Variants in LRRC38 observed in about 807,000 individuals in gnomAD.
LRRC38 encodes the protein leucine rich repeat containing 38.
LRRC38 carries 5 observed loss-of-function variants against 16.4 expected under a neutral mutation model. That is an observed-to-expected ratio of 0.31 (90% CI 0.16 to 0.64). LRRC38 has a LOEUF of 0.64. Ranked by LOEUF, LRRC38 falls within the 30% of genes least tolerant of loss-of-function variation. The probability of loss-of-function intolerance (pLI) is 0.80; values close to 1 mark genes in which losing one functional copy is unlikely to be tolerated. For synonymous variants in LRRC38, 191 were observed against 190.2 expected (o/e 1.00, Z -0.04); for missense variants, 341 against 401.8 (o/e 0.85, Z 1.29).
At chr1:13,486,089 C>A (rs1638930197) in intron 1 of LRRC38, among the ~76,000 whole-genome samples, 1 of 152,142 alleles carries the variant, frequency 6.6e-6, no homozygotes, top group Non-Finnish European at 1.5e-5. Flanking sequence ...CAGGCGCCCA[C>A]CACCACGCCC....
intron 1 of LRRC38, among the ~76,000 whole-genome samples, chr1:13,483,542 T>C (rs1638894031): frequency 6.6e-6 from 1 of 152,160 alleles, no homozygotes; most frequent in South Asian, 2.1e-4. Flanking sequence ...ATGAAGCCAC[T>C]GGGCATCCAG....
rs1157638016 is a variant in LRRC38 at position 13,480,102 on chromosome 1, T to C, written c.632-4003A>G. 2.6e-5 allele frequency among the ~76,000 whole-genome samples: 4 copies of C among 152,324 alleles called. No individual in the cohort carries two copies. In the East Asian group the frequency reaches 7.7e-4, roughly 29 times the overall value. On this transcript the variant is annotated intron_variant, in intron 1 of 1. Coordinates refer to ENST00000376085, the MANE Select transcript of LRRC38 (RefSeq NM_001010847.2). The stretch of plus-strand genomic sequence containing the variant: ...GCTCATGCCTGTAATCCCAGCACTT[T>C]GGGAGGCCGAGGCGGGTGGATTACC...
intron 1 of LRRC38, among the ~76,000 whole-genome samples, chr1:13,489,890 G>A (rs1282077815): frequency 6.6e-6 from 1 of 152,134 alleles, no homozygotes; most frequent in Non-Finnish European, 1.5e-5. Context: ...TACATCTGCA[G>A]CTTCGGGTCA....
intron 1 of LRRC38, among the ~76,000 whole-genome samples, chr1:13,498,312 G>A (rs1334746342): frequency 6.6e-6 from 1 of 152,020 alleles, no homozygotes; most frequent in Non-Finnish European, 1.5e-5. Flanking sequence ...ACCAAGGAAA[G>A]CAATGTATTT....
At chr1:13,480,752 T>C (rs936000511) in intron 1 of LRRC38, among the ~76,000 whole-genome samples, 5 of 152,176 alleles carry the variant, frequency 3.3e-5, no homozygotes, top group South Asian at 2.1e-4. Context: ...TCCACCATGA[T>C]TGTGAGGCCT....
intron 1 of LRRC38, among the ~76,000 whole-genome samples, chr1:13,482,660 G>A (rs972166517): frequency 3.3e-5 from 5 of 152,028 alleles, no homozygotes; most frequent in African/African-American, 1.2e-4. Context: ...TTGGGGGCTG[G>A]ATCAGCAGGA....
At chr1:13,496,529 A>G (rs912319016) in intron 1 of LRRC38, among the ~76,000 whole-genome samples, 4 of 152,096 alleles carry the variant, frequency 2.6e-5, no homozygotes, top group African/African-American at 7.2e-5. Context: ...ACACTCCAAC[A>G]AGAACCAGTT....
intron 1 of LRRC38, among the ~76,000 whole-genome samples, chr1:13,491,563 T>C (rs1639012961): frequency 6.6e-6 from 1 of 152,214 alleles, no homozygotes; most frequent in African/African-American, 2.4e-5. Context: ...ATATTTTTAA[T>C]TGTGGTAAAA....
intron 1 of LRRC38, among the ~76,000 whole-genome samples, chr1:13,481,385 A>ATTT (rs201732940): frequency 8.7e-6 from 1 of 115,284 alleles, no homozygotes; most frequent in Non-Finnish European, 1.9e-5. Flanking sequence ...TGTTTTTTTT[A>ATTT]TTTTTTTTTT....
At chr1:13,506,751 G>A (rs374799790) in intron 1 of LRRC38, among the ~76,000 whole-genome samples, 2 of 152,184 alleles carry the variant, frequency 1.3e-5, no homozygotes, top group Non-Finnish European at 2.9e-5. Context: ...GAGCCACCAC[G>A]CCTGGCCCTG....
chr1:13,487,515 G>A lies in LRRC38; in HGVS notation c.632-11416C>T, dbSNP rs532802256. ...TCTCATTCTGGCCTAGGCAGAACAG[G>A]GCCCACAGCGCCCTCCCCTTATAAC... On this transcript the variant is annotated intron_variant, in intron 1 of 1. Transcript: ENST00000376085. The surrounding 1 kb of genome is among the most constrained non-coding windows in gnomAD (Gnocchi z 4.4). 6.6e-6 allele frequency among the ~76,000 whole-genome samples: 1 copy of A among 152,116 alleles called. No homozygotes were observed. The highest frequency in any genetic ancestry group is 1.5e-5 in the Non-Finnish European group (1 of 68,032).
rs115568625 is a variant in LRRC38 at position 13,489,991 on chromosome 1, T to C, written c.632-13892A>G. Reference sequence around the variant, plus strand: ...GGGACCCTGCACCAGGGGTGTGACCTGTGTCTGAATCCCACATGCTAGCCT... The same window carrying C: ...GGGACCCTGCACCAGGGGTGTGACCCGTGTCTGAATCCCACATGCTAGCCT... On this transcript the variant is annotated intron_variant, in intron 1 of 1. Transcript: ENST00000376085. Among the ~76,000 whole-genome samples, 957 of 152,246 alleles carry C rather than the reference T, an allele frequency of 6.3e-3. 10 individuals carry two copies. The highest frequency in any genetic ancestry group is 0.022 in the African/African-American group (922 of 41,540).
At chr1:13,495,665 G>C (rs1639072575) in intron 1 of LRRC38, among the ~76,000 whole-genome samples, 1 of 152,098 alleles carries the variant, frequency 6.6e-6, no homozygotes, top group Non-Finnish European at 1.5e-5. Flanking sequence ...AACACCTGAT[G>C]CTCCTTGCAG....
intron 1 of LRRC38, among the ~76,000 whole-genome samples, chr1:13,508,640 A>T (rs529330853): frequency 6.6e-6 from 1 of 152,346 alleles, no homozygotes; most frequent in Admixed American, 6.5e-5. Flanking sequence ...TACTTTCGGC[A>T]TTTCCCCAGT....
intron 1 of LRRC38, among the ~76,000 whole-genome samples, chr1:13,479,372 T>C (rs1021741506): frequency 1.3e-5 from 2 of 152,234 alleles, no homozygotes; most frequent in African/African-American, 4.8e-5. Context: ...AGAAATTTTC[T>C]AGAAATCCTC....
At chr1:13,483,838 C>T (rs1638897311) in intron 1 of LRRC38, among the ~76,000 whole-genome samples, 1 of 150,752 alleles carries the variant, frequency 6.6e-6, no homozygotes, top group Admixed American at 6.7e-5. Context: ...TTTGAAGTTT[C>T]AGACTGAGCC....
At chr1:13,508,127 C>T (rs138815518) in intron 1 of LRRC38, among the ~76,000 whole-genome samples, 5,404 of 152,116 alleles carry the variant, frequency 0.036, 146 homozygotes, top group East Asian at 0.12. Flanking sequence ...ATCCCAGCTA[C>T]TGGGGAGGCT....
chr1:13,501,768 TTTTGTTTG>T (rs540948736), intron 1 of LRRC38, among the ~76,000 whole-genome samples: 3 of 150,928 alleles, frequency 2.0e-5, no homozygotes, highest in South Asian at 4.2e-4. Context: ...TCATTTTTGT[TTTTGTTTG>T]TTTGTTTGTT....
Position 13,475,796 on chromosome 1 carries a change from G to C in LRRC38, c.*50C>G, listed in dbSNP as rs762541368. 7.4e-5 allele frequency: 113 copies of C among 1,534,256 alleles called. No individual in the cohort carries two copies. Among genetic ancestry groups the C allele is most frequent in the Non-Finnish European group, 9.4e-5 (107 of 1,137,492 alleles). ...CAGCATTTCCCTCTCGTCTTGGAGA[G>C]AGCTTCTGGTTCGGTGCTGGAGAGT... On this transcript the variant is annotated 3_prime_UTR_variant, in exon 2 of 2. Coordinates refer to ENST00000376085, the MANE Select transcript of LRRC38 (RefSeq NM_001010847.2). The surrounding 1 kb of genome is among the most constrained non-coding windows in gnomAD (Gnocchi z 4.3).
Sources: allele counts gnomAD v4.1 joint callset (sites outside exome capture counted in the v4.1 genomes callset), GRCh38; gene constraint gnomAD v4.1.1; non-coding constraint Gnocchi (gnomAD v3.1); transcripts MANE v1.5; gene names NCBI Gene and HGNC (gene_info 2026-07-23, HGNC 2026-07-21).